Variants in CMIP observed in about 807,000 individuals in gnomAD.
The protein encoded by CMIP is C-Maf-inducing protein.
In CMIP, 13 loss-of-function variants were observed where a neutral mutation model predicts 97.3. The observed-to-expected ratio is 0.13, with a 90% CI of 0.09 to 0.21. CMIP has a LOEUF of 0.21. CMIP is among the 10% of genes least tolerant of loss of function. CMIP has a pLI of 1.00. For synonymous variants in CMIP, 538 were observed against 436.3 expected (o/e 1.23, Z -2.91); for missense variants, 847 against 1,024.9 (o/e 0.83, Z 2.37).
chr16:81,626,857 T>C (rs1023850152), intron 3 of CMIP, among the ~76,000 whole-genome samples: 1 of 144,176 alleles, frequency 6.9e-6, no homozygotes, highest in African/African-American at 2.6e-5. Context: ...TGTGTGTGTG[T>C]GTCCTGTGGG....
chr16:81,514,914 C>G (rs1475781631), intron 1 of CMIP, among the ~76,000 whole-genome samples: 2 of 152,196 alleles, frequency 1.3e-5, no homozygotes, highest in East Asian at 1.9e-4. Flanking sequence ...CTACCACAGA[C>G]CAAGTGGGGC....
intron 7 of CMIP, chr16:81,664,797 T>A: frequency 3.2e-6 from 1 of 311,968 alleles, no homozygotes; most frequent in Non-Finnish European, 5.8e-6. Context: ...GTGATCAAGG[T>A]CAACATCGAC....
In CMIP at chr16:81,707,099, C is replaced by T. The variant is rs1301354526; in HGVS notation, c.2268+15C>T. 6 of 1,608,706 alleles carry T rather than the reference C, an allele frequency of 3.7e-6. No individual in the cohort carries two copies. Among genetic ancestry groups the T allele is most frequent in the Non-Finnish European group, 5.1e-6 (6 of 1,175,274 alleles). On this transcript the variant is annotated intron_variant, in intron 20 of 20. Coordinates refer to ENST00000537098, the MANE Select transcript of CMIP (RefSeq NM_198390.3). ...AAGATCTGAAGGTAATTCCCTCCTT[C>T]CTCCCCACTCTCCTCCCCTCCTTCT...
rs2092082275 is a variant in CMIP, at chr16:81,627,057, G to C, written c.477+6131G>C. Among the ~76,000 whole-genome samples, 1 of 145,972 alleles carries C rather than the reference G, an allele frequency of 6.9e-6. No homozygotes were observed. Among genetic ancestry groups the C allele is most frequent in the Non-Finnish European group, 1.5e-5 (1 of 66,364 alleles). ...TGTGTGCATGGCATGTGAGGTGACT[G>C]TTTTATGTGTGTGTTTGTGTATGTG... On this transcript the variant is annotated intron_variant, in intron 3 of 20. Transcript: ENST00000537098. The surrounding 1 kb of genome is among the most constrained non-coding windows in gnomAD (Gnocchi z 4.6).
At chr16:81,463,650 C>T (rs903642258) in intron 1 of CMIP, among the ~76,000 whole-genome samples, 6 of 152,190 alleles carry the variant, frequency 3.9e-5, no homozygotes, top group Admixed American at 3.3e-4. Context: ...TCTCAGGCAC[C>T]TATGATGTGC....
intron 1 of CMIP, among the ~76,000 whole-genome samples, chr16:81,538,441 G>A (rs926313539): frequency 2.0e-5 from 3 of 152,242 alleles, no homozygotes; most frequent in African/African-American, 7.2e-5. Flanking sequence ...TGAATGTGCT[G>A]TGGGTTAGCT....
intron 1 of CMIP, chr16:81,517,736 A>G (rs2089943998): frequency 6.5e-6 from 1 of 153,850 alleles, no homozygotes; most frequent in Non-Finnish European, 1.4e-5. Context: ...GGAAGTGGGA[A>G]ACATTTTTTC....
chr16:81,668,967 ACACTCCTTCCACACCCACCT>A (rs2092644485), intron 7 of CMIP, among the ~76,000 whole-genome samples: 1 of 84,270 alleles, frequency 1.2e-5, no homozygotes, highest in African/African-American at 4.9e-5. Context: ...CACCCACCTC[ACACTCCTTCCACACCCACCT>A]CACACTCTCC....
chr16:81,650,007 C>A (rs779110352), intron 3 of CMIP, among the ~76,000 whole-genome samples: 2 of 152,168 alleles, frequency 1.3e-5, no homozygotes, highest in African/African-American at 4.8e-5. Context: ...TAGGACAGGG[C>A]GGCTTTGGTT....
chr16:81,549,473 G>A (rs2090611784), intron 1 of CMIP, among the ~76,000 whole-genome samples: 1 of 152,184 alleles, frequency 6.6e-6, no homozygotes. Flanking sequence ...TGCTAGCCCT[G>A]GAGTGCTGTA....
chr16:81,657,105 A>T (rs1392930963), intron 4 of CMIP, among the ~76,000 whole-genome samples: 1 of 152,204 alleles, frequency 6.6e-6, no homozygotes, highest in African/African-American at 2.4e-5. Flanking sequence ...TCAGTAAGGG[A>T]TGTTCAACCT....
rs373569702 is a variant in CMIP at position 81,609,393 on chromosome 16, C to T, written c.426+1701C>T. Among the ~76,000 whole-genome samples, 19 of 152,252 alleles carry T rather than the reference C, an allele frequency of 1.2e-4. No individual in the cohort carries two copies. In the East Asian group the frequency reaches 1.7e-3, roughly 14 times the overall value. On this transcript the variant is annotated intron_variant, in intron 2 of 20. Coordinates refer to ENST00000537098, the MANE Select transcript of CMIP (RefSeq NM_198390.3). Reference sequence around the variant, plus strand: ...GCCCCCCTCGGCGGGGGAGATGGGGCGGGCAATCACAGGGTTCAGTGGCCA... The same window carrying T: ...GCCCCCCTCGGCGGGGGAGATGGGGTGGGCAATCACAGGGTTCAGTGGCCA...
rs1315608995 is a variant in CMIP, at chr16:81,652,556, G to A, written c.639+192G>A. On this transcript the variant is annotated intron_variant, in intron 4 of 20. Transcript: ENST00000537098. This position sits in a 1 kb window ranked among gnomAD's most constrained non-coding sequence, Gnocchi z 5.2. ...AGAGGGAGGCTTGCCCCAGCTGCTT[G>A]CAGCTGTGCTGTCTGGGGATTGTAG... 2.6e-5 allele frequency among the ~76,000 whole-genome samples: 4 copies of A among 152,160 alleles called. No homozygotes were observed. The highest frequency in any genetic ancestry group is 5.9e-5 in the Non-Finnish European group (4 of 68,030).
At chr16:81,593,963 C>G (rs748289811) in intron 1 of CMIP, among the ~76,000 whole-genome samples, 1 of 147,330 alleles carries the variant, frequency 6.8e-6, no homozygotes, top group African/African-American at 2.5e-5. Flanking sequence ...CCCTACCATA[C>G]CTTTCCTCCT....
chr16:81,446,866 C>T (rs1164799445), intron 1 of CMIP, among the ~76,000 whole-genome samples: 1 of 122,820 alleles, frequency 8.1e-6, no homozygotes, highest in East Asian at 2.8e-4. Context: ...CACCCCAGAG[C>T]GTTGCAGCCC....
chr16:81,520,960 CT>C (rs1290369578), intron 1 of CMIP, among the ~76,000 whole-genome samples: 4 of 152,186 alleles, frequency 2.6e-5, no homozygotes, highest in African/African-American at 7.2e-5. Flanking sequence ...GTTTCGCATC[CT>C]CTTTAAATTA....
intron 1 of CMIP, among the ~76,000 whole-genome samples, chr16:81,586,299 G>A (rs552489499): frequency 6.6e-6 from 1 of 152,162 alleles, no homozygotes; most frequent in Non-Finnish European, 1.5e-5. Flanking sequence ...GTTTACTGTA[G>A]TAGAGGCGTG....
chr16:81,532,271 C>G lies in CMIP; in HGVS notation c.301-75296C>G, dbSNP rs547900736. ...ATGTCGAAGTTGAACAAGTGGTGTT[C>G]ACATTCGGACGTGTGTTAGGTAGAA... is the stretch of plus-strand genomic sequence containing the variant. On this transcript the variant is annotated intron_variant, in intron 1 of 20. Transcript: ENST00000537098. Among the ~76,000 whole-genome samples, 3 of 152,366 alleles carry G rather than the reference C, an allele frequency of 2.0e-5. No homozygotes were observed. The South Asian group carries it at 6.2e-4, about 32-fold the overall frequency.
At chr16:81,458,630 G>T (rs1416064643) in intron 1 of CMIP, among the ~76,000 whole-genome samples, 1 of 152,200 alleles carries the variant, frequency 6.6e-6, no homozygotes, top group East Asian at 1.9e-4. Context: ...ATTACGTCTT[G>T]CAGGGAGGTG....
Sources: gnomAD v4.1 joint callset for allele counts (sites outside exome capture counted in the v4.1 genomes callset) on GRCh38, gnomAD v4.1.1 for gene constraint, Gnocchi (gnomAD v3.1) non-coding constraint, MANE v1.5 for transcripts, NCBI Gene and HGNC (gene_info 2026-07-23, HGNC 2026-07-21) for gene names.